The following RANBP2 variants were observed in gnomAD, a reference collection of about 807,000 sequenced individuals.
RANBP2 encodes RAN binding protein 2.
Under a neutral mutation model 303.6 loss-of-function variants are expected in RANBP2, and 57 were observed. The ratio of observed to expected loss-of-function variants is 0.19; its 90% CI spans 0.15 to 0.23. RANBP2 has a LOEUF of 0.23. Among genes scored for constraint, RANBP2 ranks in the 10% least tolerant of loss-of-function variants. The probability of loss-of-function intolerance (pLI) is 1.00; values close to 1 mark genes in which losing one functional copy is unlikely to be tolerated. For missense variants in RANBP2, 3,138 were observed against 3,780.8 expected, an observed-to-expected ratio of 0.83 and a Z score of 4.46; for synonymous variants, 1,167 against 1,301.5, an observed-to-expected ratio of 0.90 and a Z score of 2.23.
At chr2:109,662,579 C>T in the RANBP2 span, among the ~76,000 whole-genome samples, 1 of 152,052 alleles carries the variant, frequency 6.6e-6, no homozygotes, top group African/African-American at 2.4e-5. Context: ...GCCACCATGC[C>T]TGGCTAATTC....
chr2:109,219,937 A>G, the RANBP2 span, among the ~76,000 whole-genome samples: 2 of 152,242 alleles, frequency 1.3e-5, no homozygotes, highest in Admixed American at 1.3e-4. Flanking sequence ...TCTAAAATTT[A>G]TATGGAATCT....
chr2:109,391,692 C>T, the RANBP2 span, among the ~76,000 whole-genome samples: 3 of 152,178 alleles, frequency 2.0e-5, no homozygotes, highest in Non-Finnish European at 4.4e-5. Context: ...TGGCATTGTC[C>T]ACAGGCCTCT....
At chr2:108,813,019 A>G in the RANBP2 span, 69 of 967,080 alleles carry the variant, frequency 7.1e-5, no homozygotes, top group Non-Finnish European at 1.0e-4. Context: ...GGAGGCTGAG[A>G]TGGGCGGATC....
chr2:108,956,648 C>T, the RANBP2 span, among the ~76,000 whole-genome samples: 1 of 152,342 alleles, frequency 6.6e-6, no homozygotes, highest in Non-Finnish European at 1.5e-5. Flanking sequence ...CTTCCATCTG[C>T]TCAGCCACCT....
the RANBP2 span, among the ~76,000 whole-genome samples, chr2:109,381,381 T>C: frequency 3.3e-5 from 5 of 152,196 alleles, no homozygotes; most frequent in African/African-American, 1.2e-4. Flanking sequence ...GCGGGGTTAC[T>C]TTTACACCTA....
At chr2:109,457,006 A>ACCTGGGGT in the RANBP2 span, among the ~76,000 whole-genome samples, 1 of 152,170 alleles carries the variant, frequency 6.6e-6, no homozygotes. Flanking sequence ...TGGAGGGTGG[A>ACCTGGGGT]CCTGGGGTCG....
chr2:109,046,027 G>A, the RANBP2 span, among the ~76,000 whole-genome samples: 1,105 of 152,134 alleles, frequency 7.3e-3, 9 homozygotes, highest in East Asian at 0.035. Flanking sequence ...ATCCAAGGCC[G>A]GGCATGGTGT....
the RANBP2 span, among the ~76,000 whole-genome samples, chr2:109,367,119 A>ATTTTTT: frequency 9.7e-5 from 11 of 113,316 alleles, no homozygotes; most frequent in African/African-American, 2.8e-4. Flanking sequence ...TGCCCTGGTA[A>ATTTTTT]TTTTTTTTTT....
chr2:109,761,015 T>A, the RANBP2 span, among the ~76,000 whole-genome samples: 1 of 136,406 alleles, frequency 7.3e-6, no homozygotes, highest in Non-Finnish European at 1.6e-5. Flanking sequence ...GCCCAGGGAC[T>A]GGTGATCTAG....
chr2:108,942,905 A>G, the RANBP2 span, among the ~76,000 whole-genome samples: 849 of 152,342 alleles, frequency 5.6e-3, 2 homozygotes, highest in Non-Finnish European at 9.6e-3. Context: ...GAACGATTCA[A>G]TAGATGGATT....
chr2:108,811,245 CTCTT>C, the RANBP2 span, among the ~76,000 whole-genome samples: 1 of 109,628 alleles, frequency 9.1e-6, no homozygotes, highest in Non-Finnish European at 1.7e-5. Flanking sequence ...CTTTCTCTCT[CTCTT>C]TTTTTTTTTT....
chr2:109,193,114 T>C, the RANBP2 span, among the ~76,000 whole-genome samples: 1 of 152,188 alleles, frequency 6.6e-6, no homozygotes, highest in Non-Finnish European at 1.5e-5. Context: ...GGAACATTCT[T>C]AACTCACAGC....
chr2:109,187,856 G>GAGATATGGTGATAAGAAGA, the RANBP2 span, among the ~76,000 whole-genome samples: 1 of 152,184 alleles, frequency 6.6e-6, no homozygotes, highest in South Asian at 2.1e-4. Flanking sequence ...TTATCAGCAC[G>GAGATATGGTGATAAGAAGA]GACTGGGTGC....
At chr2:109,591,448 T>C in the RANBP2 span, among the ~76,000 whole-genome samples, 1 of 152,192 alleles carries the variant, frequency 6.6e-6, no homozygotes, top group Admixed American at 6.5e-5. Flanking sequence ...AGATTACTAG[T>C]GACTCTGACA....
the RANBP2 span, among the ~76,000 whole-genome samples, chr2:109,692,129 G>A: frequency 6.6e-6 from 1 of 152,218 alleles, no homozygotes; most frequent in South Asian, 2.1e-4. Context: ...TCCATCCCTT[G>A]CACATTTTAG....
the RANBP2 span, among the ~76,000 whole-genome samples, chr2:109,356,379 T>G: frequency 6.6e-6 from 1 of 152,238 alleles, no homozygotes; most frequent in South Asian, 2.1e-4. Flanking sequence ...TAGGTCTATG[T>G]TGGACTTGCC....
intron 1 of RANBP2, among the ~76,000 whole-genome samples, chr2:108,725,767 T>G (rs1573685369): frequency 1.3e-5 from 2 of 152,030 alleles, no homozygotes; most frequent in Non-Finnish European, 2.9e-5. Flanking sequence ...CCTTGTTCCT[T>G]TACGTGCTGT....
the RANBP2 span, among the ~76,000 whole-genome samples, chr2:109,612,429 T>C: frequency 1.2e-4 from 19 of 152,338 alleles, no homozygotes; most frequent in African/African-American, 4.3e-4. Flanking sequence ...TATCGTACTA[T>C]GGGTTTGCCA....
At chr2:109,650,642 T>C in the RANBP2 span, among the ~76,000 whole-genome samples, 1 of 152,166 alleles carries the variant, frequency 6.6e-6, no homozygotes, top group African/African-American at 2.4e-5. Flanking sequence ...GGGAGATCAT[T>C]GAATCATGGG....
Sources: allele counts gnomAD v4.1 joint callset (sites outside exome capture counted in the v4.1 genomes callset), GRCh38; gene constraint gnomAD v4.1.1; transcripts MANE v1.5; gene names NCBI Gene and HGNC (gene_info 2026-07-23, HGNC 2026-07-21).